The following FSTL5 variants were observed in gnomAD, a reference collection of about 807,000 sequenced individuals.
FSTL5 encodes the protein follistatin-related protein 5.
A neutral mutation model predicts 89.1 loss-of-function variants in FSTL5; 62 were observed. The observed-to-expected ratio is 0.70, with a 90% CI of 0.57 to 0.86. The LOEUF is 0.86. Ranked by LOEUF, FSTL5 falls within the 40% of genes least tolerant of loss-of-function variation. The probability of loss-of-function intolerance (pLI) is 0.00; values close to 1 mark genes in which losing one functional copy is unlikely to be tolerated. For missense variants in FSTL5, 1,057 were observed against 1,001.6 expected, an observed-to-expected ratio of 1.06 and a Z score of -0.75; for synonymous variants, 383 against 346.2, an observed-to-expected ratio of 1.11 and a Z score of -1.18.
chr4:161,675,871 T>G (rs1305310786), intron 6 of FSTL5, among the ~76,000 whole-genome samples: 1 of 152,058 alleles, frequency 6.6e-6, no homozygotes, highest in Non-Finnish European at 1.5e-5. Context: ...AAAGAAATAT[T>G]ACAAAAGATG....
At position 161,569,154 on chromosome 4, in the gene FSTL5, A is replaced by G. The variant is rs150845363; in HGVS notation, c.1015+18301T>C. Among the ~76,000 whole-genome samples the G allele has an allele frequency of 1.2e-4, 18 of 152,288 alleles. No homozygotes were observed. In the East Asian group the frequency reaches 3.5e-3, roughly 29 times the overall value. On this transcript the variant is annotated intron_variant, in intron 8 of 15. Coordinates refer to ENST00000306100, the MANE Select transcript of FSTL5 (RefSeq NM_020116.5). ...TACGTGTGCATTACCATGCCTGGAT[A>G]ATTTTTAGTGGAGATGAGATCTCAC...
At position 161,496,787 on chromosome 4, in the gene FSTL5, A is replaced by AAGATAGAAATAGAGATAGAGATAG. The variant is rs139742126; in HGVS notation, c.1458+3228_1458+3229insCTATCTCTATCTCTATTTCTATCT. Among the ~76,000 whole-genome samples the AAGATAGAAATAGAGATAGAGATAG allele has an allele frequency of 4.6e-3, 664 of 143,834 alleles. 7 individuals carry two copies. Among genetic ancestry groups the AAGATAGAAATAGAGATAGAGATAG allele is most frequent in the Middle Eastern group, 0.011 (3 of 280 alleles). 94.4% of individuals were successfully genotyped at this position (143,834 alleles called of 152,430 possible). On this transcript the variant is annotated intron_variant, in intron 12 of 15. Transcript: ENST00000306100. ...TCTATATAGGAGATAGATAGAGAAAAAGATAGAGATAGAGATAGAGATAGA... is the reference window on the plus strand; with the variant it reads ...TCTATATAGGAGATAGATAGAGAAAAAGATAGAAATAGAGATAGAGATAGAGATAGAGATAGAGATAGAGATAGA...
intron 3 of FSTL5, among the ~76,000 whole-genome samples, chr4:161,964,127 C>A (rs1192198551): frequency 6.6e-6 from 1 of 151,834 alleles, no homozygotes; most frequent in African/African-American, 2.4e-5. Context: ...CTGATGTGAT[C>A]CTGAAATATG....
intron 6 of FSTL5, among the ~76,000 whole-genome samples, chr4:161,696,973 C>G (rs1170586391): frequency 1.3e-5 from 2 of 152,156 alleles, no homozygotes. Context: ...CTGGCTAGGA[C>G]TTCTAGTACT....
At chr4:161,613,286 A>G (rs1414365012) in intron 7 of FSTL5, among the ~76,000 whole-genome samples, 1 of 152,024 alleles carries the variant, frequency 6.6e-6, no homozygotes, top group Non-Finnish European at 1.5e-5. Context: ...TCTTGTCTCT[A>G]CTAAAAATAC....
intron 6 of FSTL5, among the ~76,000 whole-genome samples, chr4:161,668,941 G>A (rs1420693907): frequency 4.0e-5 from 6 of 151,484 alleles, no homozygotes; most frequent in South Asian, 2.1e-4. Context: ...GTGAAACCCC[G>A]TCTCTACTAA....
chr4:161,716,590 C>T (rs147850588), intron 6 of FSTL5, among the ~76,000 whole-genome samples: 1 of 151,902 alleles, frequency 6.6e-6, no homozygotes, highest in African/African-American at 2.4e-5. Context: ...GAGCGAAACC[C>T]TGTCTCAAAA....
chr4:161,538,301 C>A lies in FSTL5; in HGVS notation c.1178-1G>T. The A allele has an allele frequency of 6.2e-7, 1 of 1,613,218 alleles. No individual in the cohort carries two copies. The highest frequency in any genetic ancestry group is 8.5e-7 in the Non-Finnish European group (1 of 1,179,626). On this transcript the variant is annotated splice_acceptor_variant, in intron 9 of 15. Coordinates refer to ENST00000306100, the MANE Select transcript of FSTL5 (RefSeq NM_020116.5). LOFTEE classifies it high-confidence loss of function. ...CTTATGTGAACCTCACTGCCATTTGCTGAAAAAAGAAGGGAAATGCAACTT... is the reference window on the plus strand; with the variant it reads ...CTTATGTGAACCTCACTGCCATTTGATGAAAAAAGAAGGGAAATGCAACTT...
At chr4:161,524,662 G>C (rs547272744) in intron 10 of FSTL5, among the ~76,000 whole-genome samples, 2 of 152,018 alleles carry the variant, frequency 1.3e-5, no homozygotes, top group Non-Finnish European at 2.9e-5. Context: ...AACCCACCAT[G>C]TATTAATATT....
At chr4:161,480,253 T>C (rs1331685318) in intron 13 of FSTL5, among the ~76,000 whole-genome samples, 2 of 152,220 alleles carry the variant, frequency 1.3e-5, no homozygotes, top group African/African-American at 4.8e-5. Context: ...CTTCGTAAGA[T>C]ACATATATTT....
At chr4:161,800,787 T>A (rs776454678) in intron 4 of FSTL5, among the ~76,000 whole-genome samples, 1 of 151,538 alleles carries the variant, frequency 6.6e-6, no homozygotes. Context: ...GTAGTTATAA[T>A]AGAGTGTTCT....
At chr4:162,029,906 CTTTTTTTTTTTTT>C (rs67266989) in intron 3 of FSTL5, among the ~76,000 whole-genome samples, 6 of 144,242 alleles carry the variant, frequency 4.2e-5, no homozygotes, top group East Asian at 2.0e-4. Flanking sequence ...AAATTATTTC[CTTTTTTTTTTTTT>C]TTTTTTTTAA....
intron 10 of FSTL5, among the ~76,000 whole-genome samples, chr4:161,521,777 A>G (rs1479728951): frequency 7.2e-6 from 1 of 138,054 alleles, no homozygotes; most frequent in Non-Finnish European, 1.5e-5. Flanking sequence ...TGAACCCGGA[A>G]GGCGGAGGTT....
rs375206821 is a variant in FSTL5, at chr4:161,860,065, G to A, written c.409+60339C>T. The stretch of plus-strand genomic sequence containing the variant: ...GCACTTTGGGAGGCCAAGGTGGGCG[G>A]ATCACAAGGTCAGGAGATCTAGACC... On this transcript the variant is annotated intron_variant, in intron 4 of 15. Transcript: ENST00000306100. 2.5e-4 allele frequency among the ~76,000 whole-genome samples: 38 copies of A among 152,252 alleles called. 1 individual carries two copies. In the South Asian group the frequency reaches 7.3e-3, roughly 29 times the overall value.
intron 8 of FSTL5, among the ~76,000 whole-genome samples, chr4:161,564,804 T>C (rs748447877): frequency 1.1e-4 from 17 of 151,728 alleles, no homozygotes; most frequent in Non-Finnish European, 2.2e-4. Flanking sequence ...GTGTTATCAC[T>C]AGGTGTTCTG....
intron 15 of FSTL5, among the ~76,000 whole-genome samples, chr4:161,394,025 AGT>A (rs1730916614): frequency 6.6e-6 from 1 of 152,196 alleles, no homozygotes; most frequent in Admixed American, 6.5e-5. Flanking sequence ...TTAGCTAAAG[AGT>A]GTGAAAAACT....
intron 10 of FSTL5, among the ~76,000 whole-genome samples, chr4:161,511,399 C>A (rs1393872971): frequency 6.6e-6 from 1 of 152,122 alleles, no homozygotes; most frequent in African/African-American, 2.4e-5. Flanking sequence ...GTAAACATTG[C>A]AATTTTTAGA....
intron 4 of FSTL5, among the ~76,000 whole-genome samples, chr4:161,912,361 A>T (rs1421380242): frequency 6.6e-6 from 1 of 152,158 alleles, no homozygotes; most frequent in Non-Finnish European, 1.5e-5. Flanking sequence ...ATCTCCCAGA[A>T]TTCCCATGTG....
intron 5 of FSTL5, among the ~76,000 whole-genome samples, chr4:161,774,942 A>G (rs1741352291): frequency 1.3e-5 from 2 of 152,168 alleles, no homozygotes. Context: ...GCATTAGAAA[A>G]GACAATAAAA....
Sources: allele counts gnomAD v4.1 joint callset (sites outside exome capture counted in the v4.1 genomes callset), GRCh38; gene constraint gnomAD v4.1.1; transcripts MANE v1.5; gene names NCBI Gene and HGNC (gene_info 2026-07-23, HGNC 2026-07-21).